Variants in SKOR2 observed in about 807,000 individuals in gnomAD.
The protein encoded by SKOR2 is SKI family transcriptional corepressor 2.
In SKOR2, 47 loss-of-function variants were observed where a neutral mutation model predicts 69.1. That is an observed-to-expected ratio of 0.68 (90% CI 0.54 to 0.87). SKOR2 has a LOEUF of 0.87. SKOR2 is among the 40% of genes least tolerant of loss of function. The pLI, the probability that SKOR2 is intolerant of heterozygous loss-of-function variation, is 0.00. For synonymous variants in SKOR2, 717 were observed against 672.6 expected (o/e 1.07, Z -1.02); for missense variants, 1,404 against 1,472.2 (o/e 0.95, Z 0.76).
chr18:47,247,678 G>A lies in SKOR2; in HGVS notation c.1506C>T (p.Ser502=). 2 of 1,372,490 alleles carry A rather than the reference G, an allele frequency of 1.5e-6. No individual in the cohort carries two copies. Among genetic ancestry groups the A allele is most frequent in the Non-Finnish European group, 1.9e-6 (2 of 1,067,920 alleles). 85.0% of individuals were successfully genotyped at this position (1,372,490 alleles called of 1,614,324 possible). A position where few individuals can be genotyped will look rare whatever the true frequency, so the allele number is the denominator to read the frequency against. The change falls in exon 2 of 9, where the codon AGC becomes AGT. Residue 502 remains serine (S), a synonymous_variant. Coordinates refer to ENST00000425639, the MANE Select transcript of SKOR2 (RefSeq NM_001278063.4). The surrounding 1 kb of genome is among the most constrained non-coding windows in gnomAD (Gnocchi z 6.6). ...GGAAGGCCTGGCGCAGCAGGGCCGG[G>A]CTTTCGCCTAGCGCGCAGCCTAGCG... ...PSALGCALGE[S]PALLRQAFLD...
chr18:47,226,437 C>A (rs1385550278), intron 6 of SKOR2, among the ~76,000 whole-genome samples: 1 of 152,160 alleles, frequency 6.6e-6, no homozygotes, highest in Non-Finnish European at 1.5e-5. Context: ...ATTGTCATCT[C>A]AAAGTAACCT....
At chr18:47,239,963 C>A (rs906029380) in intron 4 of SKOR2, among the ~76,000 whole-genome samples, 2 of 140,200 alleles carry the variant, frequency 1.4e-5, no homozygotes, top group Admixed American at 7.4e-5. Context: ...AAGAATTTTT[C>A]TTATTTTTTG....
Position 47,246,914 on chromosome 18 carries a change from T to A in SKOR2, c.2270A>T (p.Glu757Val), listed in dbSNP as rs2064277886. The A allele has an allele frequency of 6.7e-7, 1 of 1,492,472 alleles. No homozygotes were observed. The highest frequency in any genetic ancestry group is 1.7e-4 in the Middle Eastern group (1 of 5,846). 92.5% of individuals were successfully genotyped at this position (1,492,472 alleles called of 1,614,324 possible). ...EGHKPPEGEE[E>V]EEGRDPDDDE... ...GTCGTCAGGGTCTCGACCTTCCTCC[T>A]CTTCCTCGCCCTCGGGGGGCTTGTG... Residue 757 changes from glutamate to valine, a missense_variant, in exon 2 of 9, where the codon GAG (glutamate) becomes GTG (valine). Physicochemically the swap from Glu to Val is moderately radical, Grantham distance 121 (BLOSUM62 -2). Coordinates refer to ENST00000425639, the MANE Select transcript of SKOR2 (RefSeq NM_001278063.4).
intron 6 of SKOR2, among the ~76,000 whole-genome samples, chr18:47,224,265 A>G (rs1271511997): frequency 1.3e-5 from 2 of 152,176 alleles, no homozygotes; most frequent in African/African-American, 2.4e-5. Context: ...GATGGAAAAA[A>G]TCATTAAGCC....
chr18:47,208,017 C>T (rs1361600794), intron 8 of SKOR2, among the ~76,000 whole-genome samples: 1 of 152,080 alleles, frequency 6.6e-6, no homozygotes, highest in Non-Finnish European at 1.5e-5. Context: ...AGAAAATTGG[C>T]ACACAAAAGT....
At position 47,246,934 on chromosome 18, in the gene SKOR2, C is replaced by T. The variant is rs2064278074; in HGVS notation, c.2250G>A (p.Lys750=). Residue 750 remains lysine (K), a synonymous_variant, in exon 2 of 9, where the codon AAG becomes AAA. Transcript: ENST00000425639. ...CCTCCTCTTCCTCGCCCTCGGGGGG[C>T]TTGTGGCCCTCCACGTCCACCTCCT... is the stretch of plus-strand genomic sequence containing the variant. The part of the protein sequence containing the change: ...EEQEVDVEGH[K]PPEGEEEEEG... 2.0e-6 allele frequency: 3 copies of T among 1,496,460 alleles called. No individual in the cohort carries two copies. In the African/African-American group the frequency reaches 4.3e-5, roughly 22 times the overall value. The allele number at this position is 1,496,460 out of a possible 1,614,324, so 92.7% of individuals were successfully genotyped here.
In SKOR2 at chr18:47,247,863, C is replaced by A; in HGVS notation, c.1321G>T (p.Gly441Cys). 1 of 1,358,996 alleles carries A rather than the reference C, an allele frequency of 7.4e-7. No homozygotes were observed. The highest frequency in any genetic ancestry group is 9.4e-7 in the Non-Finnish European group (1 of 1,066,014). 84.2% of individuals were successfully genotyped at this position (1,358,996 alleles called of 1,614,324 possible). ...CCGGCCTTGGGCGCCGCGCCCGCGCCGCCTGCGCCCGCGCCCCCCAGGGCC... is the reference window on the plus strand; with the variant it reads ...CCGGCCTTGGGCGCCGCGCCCGCGCAGCCTGCGCCCGCGCCCCCCAGGGCC... ...AEALGGAGAGGAGAAPKAGLS... is the reference protein window; with the variant it reads ...AEALGGAGAGCAGAAPKAGLS... The change falls in exon 2 of 9, where the codon GGC (glycine) becomes TGC (cysteine). Residue 441 changes from glycine (G) to cysteine (C), a missense_variant. By Grantham distance (159) the Gly-to-Cys change is radical (BLOSUM62 -3). This residue lies in a region of SKOR2 where 1,266 missense variants were observed against 1,309.9 expected (regional missense o/e 0.97). Coordinates refer to ENST00000425639, the MANE Select transcript of SKOR2 (RefSeq NM_001278063.4). The surrounding 1 kb of genome is among the most constrained non-coding windows in gnomAD (Gnocchi z 6.6).
chr18:47,232,701 A>C (rs754866817), intron 4 of SKOR2, among the ~76,000 whole-genome samples: 5 of 152,216 alleles, frequency 3.3e-5, no homozygotes, highest in African/African-American at 4.8e-5. Flanking sequence ...ACAGCGCTGA[A>C]CATACAATAA....
chr18:47,222,146 C>T (rs2064163524), intron 6 of SKOR2, among the ~76,000 whole-genome samples: 2 of 151,986 alleles, frequency 1.3e-5, no homozygotes, highest in Non-Finnish European at 2.9e-5. Context: ...CATGGAAAAA[C>T]TCTGTCTCTA....
chr18:47,240,896 T>A (rs970645534), intron 4 of SKOR2, among the ~76,000 whole-genome samples: 4 of 152,218 alleles, frequency 2.6e-5, no homozygotes, highest in African/African-American at 9.6e-5. Flanking sequence ...ATCAGGCAGT[T>A]TGAAAAGACA....
intron 8 of SKOR2, among the ~76,000 whole-genome samples, chr18:47,209,325 C>G (rs1188849797): frequency 1.3e-5 from 2 of 152,134 alleles, no homozygotes; most frequent in Non-Finnish European, 2.9e-5. Flanking sequence ...ATTAATGCAT[C>G]AGTACCTAAT....
chr18:47,248,042 G>T lies in SKOR2; in HGVS notation c.1142C>A (p.Pro381Gln). ...GCCCTTGCTGGGCACCGGGATGACT[G>T]GGTAGCTGCGCGGGCCTTTGGCCCC... ...GAGAKGPRSY[P>Q]VIPVPSKGSF... The change falls in exon 2 of 9, where the codon CCA (proline) becomes CAA (glutamine). Residue 381 changes from proline to glutamine, a missense_variant. Around this residue, in one of 3 missense-constraint regions of SKOR2, gnomAD observed 1,266 missense variants for 1,309.9 expected, o/e 0.97. Transcript: ENST00000425639. This position sits in a 1 kb window ranked among gnomAD's most constrained non-coding sequence, Gnocchi z 6.4. 1 of 1,439,584 alleles carries T rather than the reference G, an allele frequency of 6.9e-7. No individual in the cohort carries two copies. Among genetic ancestry groups the T allele is most frequent in the Non-Finnish European group, 9.1e-7 (1 of 1,097,734 alleles). 89.2% of individuals were successfully genotyped at this position (1,439,584 alleles called of 1,614,324 possible).
Position 47,241,974 on chromosome 18 carries a change from C to A in SKOR2, c.2752+2934G>T, listed in dbSNP as rs776939138. Among the ~76,000 whole-genome samples the A allele has an allele frequency of 3.7e-4, 56 of 152,202 alleles. 1 individual carries two copies. Among genetic ancestry groups the A allele is most frequent in the Non-Finnish European group, 6.6e-4 (45 of 68,026 alleles). On this transcript the variant is annotated intron_variant, in intron 4 of 8. Coordinates refer to ENST00000425639, the MANE Select transcript of SKOR2 (RefSeq NM_001278063.4). ...ATTACCAATATAACTATTGACCGCA[C>A]TGCCCTGAGCTCCAGGCACTGTGGA...
chr18:47,222,622 T>G (rs1032616262), intron 6 of SKOR2, among the ~76,000 whole-genome samples: 6 of 152,212 alleles, frequency 3.9e-5, no homozygotes, highest in African/African-American at 9.6e-5. Context: ...TTCCAGACAC[T>G]GGAGCACATG....
intron 8 of SKOR2, among the ~76,000 whole-genome samples, chr18:47,209,213 G>T (rs2064121078): frequency 6.6e-6 from 1 of 152,084 alleles, no homozygotes; most frequent in African/African-American, 2.4e-5. Flanking sequence ...TAAGTGGATT[G>T]CCTGTGGTTT....
rs1326148495 is a variant in SKOR2 at position 47,249,170 on chromosome 18, G to C, written c.14C>G (p.Pro5Arg). Residue 5 changes from proline to arginine, a missense_variant, in exon 2 of 9, where the codon CCG becomes CGG. This residue lies in a region of SKOR2 where 104 missense variants were observed against 95.7 expected (regional missense o/e 1.09). Transcript: ENST00000425639. The stretch of plus-strand genomic sequence containing the variant: ...CAGGATGTCGTTGGGCCCTGGCAGC[G>C]GACTGGAAGCCATCTCCGCCGCAGA... MASS[P>R]LPGPNDILLA... The C allele has an allele frequency of 6.5e-7, 1 of 1,534,890 alleles. No homozygotes were observed. The highest frequency in any genetic ancestry group is 8.7e-7 in the Non-Finnish European group (1 of 1,146,188).
At chr18:47,220,113 C>T (rs2064156778) in intron 6 of SKOR2, 103 bp from the exon 7 acceptor site, 3 of 925,304 alleles carry the variant, frequency 3.2e-6, no homozygotes, top group Non-Finnish European at 4.8e-6. Context: ...AGCCCCCCTA[C>T]TTTTAAGTAT....
chr18:47,241,842 C>A (rs2064250258), intron 4 of SKOR2, among the ~76,000 whole-genome samples: 2 of 152,026 alleles, frequency 1.3e-5, no homozygotes, highest in Non-Finnish European at 2.9e-5. Context: ...GAGAATGAAA[C>A]TGTGATATGG....
chr18:47,224,944 A>G (rs780490304), intron 6 of SKOR2, among the ~76,000 whole-genome samples: 11 of 152,126 alleles, frequency 7.2e-5, no homozygotes, highest in Non-Finnish European at 1.5e-4. Context: ...AATTTTTTTC[A>G]TAGCCATCTT....
Sources: allele counts gnomAD v4.1 joint callset (sites outside exome capture counted in the v4.1 genomes callset), GRCh38; gene constraint gnomAD v4.1.1; regional missense constraint gnomAD v4.1.1; non-coding constraint Gnocchi (gnomAD v3.1); transcripts MANE v1.5; gene names NCBI Gene and HGNC (gene_info 2026-07-23, HGNC 2026-07-21).